TPTE2: variants seen among roughly 807,000 people sequenced by gnomAD.
The protein encoded by TPTE2 is phosphatidylinositol 3,4,5-trisphosphate 3-phosphatase TPTE2.
Under a neutral mutation model 78.6 loss-of-function variants are expected in TPTE2, and 53 were observed. The observed-to-expected ratio is 0.67, with a 90% CI of 0.54 to 0.85. The LOEUF (loss-of-function observed/expected upper bound fraction) is 0.85, where lower values mean the gene tolerates loss of function less well. TPTE2 is among the 40% of genes least tolerant of loss of function. TPTE2 has a pLI of 0.00. For missense variants in TPTE2, 461 were observed against 623.0 expected (o/e 0.74, Z 2.77); for synonymous variants, 175 against 206.2 (o/e 0.85, Z 1.30).
the TPTE2 span, among the ~76,000 whole-genome samples, chr13:19,554,354 G>A: frequency 6.1e-5 from 9 of 147,266 alleles, no homozygotes; most frequent in African/African-American, 9.8e-5. Context: ...CAACCTAGGC[G>A]ACAGAGCAAG....
At chr13:19,538,872 G>A (rs1034403319), upstream of TPTE2, among the ~76,000 whole-genome samples, 2 of 152,134 alleles carry the variant, frequency 1.3e-5, no homozygotes, top group Non-Finnish European at 2.9e-5. Flanking sequence ...CGACAGAATT[G>A]GATTTTTTGT....
chr13:19,482,762 C>T (rs1880434353), intron 3 of TPTE2, among the ~76,000 whole-genome samples: 1 of 151,522 alleles, frequency 6.6e-6, no homozygotes, highest in African/African-American at 2.4e-5. Flanking sequence ...CTTAATTTTG[C>T]ATATTTTTAT....
At chr13:19,541,183 G>A (rs1593429860), upstream of TPTE2, among the ~76,000 whole-genome samples, 1 of 152,146 alleles carries the variant, frequency 6.6e-6, no homozygotes, top group African/African-American at 2.4e-5. Context: ...CTTGCCAGGT[G>A]GCTCATTCAC....
intron 1 of TPTE2, among the ~76,000 whole-genome samples, chr13:19,533,502 G>A (rs1871008251): frequency 6.6e-6 from 1 of 152,210 alleles, no homozygotes; most frequent in South Asian, 2.1e-4. Context: ...ACAGCAAGCT[G>A]CCATTCCCAA....
the TPTE2 span, chr13:19,560,576 C>T: frequency 2.9e-5 from 46 of 1,599,984 alleles, 1 homozygote; most frequent in South Asian, 4.9e-4. Flanking sequence ...ATGGTGACCA[C>T]GATCTCTCGG....
At chr13:19,468,909 T>G (rs1010326934) in intron 6 of TPTE2, among the ~76,000 whole-genome samples, 14 of 152,216 alleles carry the variant, frequency 9.2e-5, no homozygotes, top group Non-Finnish European at 1.8e-4. Flanking sequence ...TCCTTACATA[T>G]TCTGGTTATT....
chr13:19,479,742 T>C (rs1299007139), intron 4 of TPTE2, among the ~76,000 whole-genome samples: 1 of 152,002 alleles, frequency 6.6e-6, no homozygotes, highest in Non-Finnish European at 1.5e-5. Flanking sequence ...GGTGGGCGGA[T>C]CATGAGGTCA....
chr13:19,462,281 G>A (rs543484065), intron 10 of TPTE2, among the ~76,000 whole-genome samples: 8 of 152,194 alleles, frequency 5.3e-5, no homozygotes, highest in African/African-American at 1.9e-4. Flanking sequence ...TGAAAGGTCA[G>A]TCTAGTGGGA....
intron 10 of TPTE2, among the ~76,000 whole-genome samples, chr13:19,455,815 G>GA (rs1878508041): frequency 6.6e-6 from 1 of 151,984 alleles, no homozygotes; most frequent in Admixed American, 6.6e-5. Flanking sequence ...GATAGATGCA[G>GA]AAAAAATATC....
the TPTE2 span, chr13:19,560,849 G>A: frequency 6.4e-7 from 1 of 1,560,184 alleles, no homozygotes; most frequent in Middle Eastern, 1.8e-4. Flanking sequence ...CAGGCTCTTG[G>A]TGAAGCGGCA....
In TPTE2 at chr13:19,428,162, A is replaced by T. The variant is rs533154660; in HGVS notation, c.1303-1645T>A. Among the ~76,000 whole-genome samples the T allele has an allele frequency of 1.8e-4, 28 of 151,922 alleles. No individual in the cohort carries two copies. The South Asian group carries it at 5.6e-3, about 31-fold the overall frequency. On this transcript the variant is annotated intron_variant, in intron 17 of 19. Coordinates refer to ENST00000400230, the Ensembl canonical transcript of TPTE2. ...CAATAACACAAAGTAGAAATTAGAA[A>T]AATGGGCCAGGTGCGGTGGCTCAAG...
chr13:19,479,046 T>TA (rs1180916304), intron 4 of TPTE2, among the ~76,000 whole-genome samples: 2 of 152,060 alleles, frequency 1.3e-5, no homozygotes, highest in Non-Finnish European at 2.9e-5. Flanking sequence ...CATTAGGAGA[T>TA]ACACCTAATG....
chr13:19,490,591 A>T (rs114593281), intron 3 of TPTE2, among the ~76,000 whole-genome samples: 3,860 of 152,266 alleles, frequency 0.025, 130 homozygotes, highest in African/African-American at 0.074. Context: ...GTAAATACCC[A>T]CCTTGCTTGC....
chr13:19,524,604 A>G (rs1175244191), intron 1 of TPTE2, among the ~76,000 whole-genome samples: 1 of 152,246 alleles, frequency 6.6e-6, no homozygotes, highest in Non-Finnish European at 1.5e-5. Flanking sequence ...TACAAATATT[A>G]AAATTATAAC....
chr13:19,451,286 G>C (rs1487150249), intron 10 of TPTE2, 61 bp from the exon 14 acceptor site: 17 of 1,603,420 alleles, frequency 1.1e-5, no homozygotes, highest in Non-Finnish European at 1.4e-5. Context: ...CTATTTCCTA[G>C]GGGGAACCTA....
intron 13 of TPTE2, among the ~76,000 whole-genome samples, chr13:19,443,770 AC>A (rs1566042355): frequency 4.4e-5 from 6 of 137,694 alleles, no homozygotes; most frequent in African/African-American, 7.6e-5. Flanking sequence ...ACACACACAC[AC>A]ACACACACAG....
At chr13:19,467,771 G>T (rs1879354041) in intron 6 of TPTE2, among the ~76,000 whole-genome samples, 1 of 151,822 alleles carries the variant, frequency 6.6e-6, no homozygotes. Context: ...CAAATAGTAG[G>T]CGTTACTCAT....
At chr13:19,442,041 G>A (rs1014013323) in intron 13 of TPTE2, among the ~76,000 whole-genome samples, 10 of 152,002 alleles carry the variant, frequency 6.6e-5, no homozygotes, top group Admixed American at 2.0e-4. Flanking sequence ...TCAATGGAAC[G>A]AAAACAGAAT....
Position 19,515,370 on chromosome 13 carries a change from G to T in TPTE2, c.-43-12093C>A, listed in dbSNP as rs370868846. On this transcript the variant is annotated intron_variant, in intron 1 of 17. Coordinates refer to the TPTE2 transcript ENST00000390680. ...CATTTTGGAAACAATATATTAAATG[G>T]TATCTTTTTATGTCTTTAAGAAAAG... Among the ~76,000 whole-genome samples the T allele has an allele frequency of 3.6e-3, 554 of 152,232 alleles. 3 individuals are homozygous for T. The highest frequency in any genetic ancestry group is 5.0e-3 in the Non-Finnish European group (343 of 68,006).
Sources: allele counts gnomAD v4.1 joint callset (sites outside exome capture counted in the v4.1 genomes callset), GRCh38; gene constraint gnomAD v4.1.1; transcripts MANE v1.5; gene names NCBI Gene and HGNC (gene_info 2026-07-23, HGNC 2026-07-21).